The following RAD51B variants were observed in gnomAD, a reference collection of about 807,000 sequenced individuals.
The protein encoded by RAD51B is DNA repair protein RAD51 homolog 2.
RAD51B carries 38 observed loss-of-function variants against 42.2 expected under a neutral mutation model. The observed-to-expected ratio is 0.90, with a 90% CI of 0.70 to 1.18. RAD51B has a LOEUF of 1.18. Ranked by LOEUF, RAD51B falls within the 50% of genes most tolerant of loss-of-function variation. The pLI, the probability that RAD51B is intolerant of heterozygous loss-of-function variation, is 0.00. For missense variants in RAD51B, 373 were observed against 400.7 expected, an observed-to-expected ratio of 0.93 and a Z score of 0.59; for synonymous variants, 154 against 145.2, an observed-to-expected ratio of 1.06 and a Z score of -0.43.
intron 10 of RAD51B, among the ~76,000 whole-genome samples, chr14:68,472,776 T>C (rs1362480521): frequency 1.3e-5 from 2 of 152,152 alleles, no homozygotes; most frequent in African/African-American, 4.8e-5. Context: ...ATGAAATTAG[T>C]TTCCCATATC....
chr14:68,294,228 A>T (rs1339121301), intron 8 of RAD51B, among the ~76,000 whole-genome samples: 2 of 152,244 alleles, frequency 1.3e-5, no homozygotes, highest in Non-Finnish European at 2.9e-5. Context: ...TTGTGTTCAT[A>T]GCAAAGGAAG....
chr14:68,469,799 G>A (rs968000082), intron 10 of RAD51B, among the ~76,000 whole-genome samples: 2 of 152,144 alleles, frequency 1.3e-5, no homozygotes, highest in African/African-American at 2.4e-5. Context: ...ACAATTTCAG[G>A]AGGAAAAAAG....
At chr14:68,390,852 G>A (rs781346967) in intron 8 of RAD51B, among the ~76,000 whole-genome samples, 18 of 152,218 alleles carry the variant, frequency 1.2e-4, no homozygotes, top group Non-Finnish European at 2.2e-4. Flanking sequence ...GAGAAAGAGC[G>A]TCAGAGGAAG....
chr14:67,933,159 C>G lies in RAD51B; in HGVS notation c.756+45955C>G, dbSNP rs7152546. 6.3e-3 allele frequency among the ~76,000 whole-genome samples: 952 copies of G among 152,296 alleles called. 11 individuals are homozygous for G. Among genetic ancestry groups the G allele is most frequent in the African/African-American group, 0.022 (906 of 41,558 alleles). On this transcript the variant is annotated intron_variant, in intron 7 of 10. Coordinates refer to ENST00000471583, the MANE Select transcript of RAD51B (RefSeq NM_133510.4). ...TGAGCACAGAATTTGTGCTGCCTTTCCGGTAGAATGCACCTTTGGTACACT... is the reference window on the plus strand; with the variant it reads ...TGAGCACAGAATTTGTGCTGCCTTTGCGGTAGAATGCACCTTTGGTACACT...
At chr14:68,373,646 A>G (rs2083305355) in intron 8 of RAD51B, among the ~76,000 whole-genome samples, 1 of 152,174 alleles carries the variant, frequency 6.6e-6, no homozygotes, top group Non-Finnish European at 1.5e-5. Flanking sequence ...CAAGGGGAGC[A>G]TTAGGACAAA....
At chr14:68,469,147 A>G (rs904072400) in intron 10 of RAD51B, 1 of 507,968 alleles carries the variant, frequency 2.0e-6, no homozygotes, top group Non-Finnish European at 4.0e-6. Flanking sequence ...CTGACCCTAG[A>G]GGAGCATATT....
At chr14:68,447,698 T>C (rs985538399) in intron 9 of RAD51B, among the ~76,000 whole-genome samples, 1 of 152,184 alleles carries the variant, frequency 6.6e-6, no homozygotes, top group East Asian at 1.9e-4. Flanking sequence ...TACGAAATCA[T>C]TTTTGGGTTT....
chr14:68,046,455 C>T (rs903388080), intron 7 of RAD51B, among the ~76,000 whole-genome samples: 2 of 152,190 alleles, frequency 1.3e-5, no homozygotes, highest in Non-Finnish European at 2.9e-5. Flanking sequence ...TTGTGATTGT[C>T]TAGCTGGACA....
At chr14:67,976,006 G>T (rs1403513724) in intron 7 of RAD51B, among the ~76,000 whole-genome samples, 2 of 151,114 alleles carry the variant, frequency 1.3e-5, no homozygotes, top group Non-Finnish European at 2.9e-5. Context: ...GTTGATTCTT[G>T]TTCTCCACTC....
At chr14:67,969,549 T>G (rs896260152) in intron 7 of RAD51B, among the ~76,000 whole-genome samples, 118 of 152,272 alleles carry the variant, frequency 7.7e-4, no homozygotes, top group African/African-American at 2.7e-3. Flanking sequence ...AGAAGAAAAT[T>G]TGAAATATAT....
intron 10 of RAD51B, among the ~76,000 whole-genome samples, chr14:68,621,642 T>C (rs904766476): frequency 2.0e-5 from 3 of 152,354 alleles, no homozygotes; most frequent in East Asian, 1.9e-4. Flanking sequence ...TAAGGCCACA[T>C]TGGGGCCCCA....
chr14:68,516,407 G>C (rs182486534), intron 10 of RAD51B, among the ~76,000 whole-genome samples: 44 of 152,276 alleles, frequency 2.9e-4, no homozygotes, highest in African/African-American at 9.1e-4. Flanking sequence ...TCTCTTGACT[G>C]TCCGGCTTAA....
chr14:68,310,714 G>A (rs149959015), intron 8 of RAD51B, among the ~76,000 whole-genome samples: 7,735 of 152,144 alleles, frequency 0.051, 589 homozygotes, highest in African/African-American at 0.17. Context: ...GTGTGGTGGT[G>A]CACATCTGTA....
chr14:68,297,647 A>C (rs2081640567), intron 8 of RAD51B, among the ~76,000 whole-genome samples: 1 of 152,224 alleles, frequency 6.6e-6, no homozygotes. Context: ...GGCTGTAATT[A>C]GTACTTTGAA....
At chr14:68,003,700 C>A (rs921056562) in intron 7 of RAD51B, among the ~76,000 whole-genome samples, 43 of 152,082 alleles carry the variant, frequency 2.8e-4, no homozygotes, top group African/African-American at 8.2e-4. Flanking sequence ...TTCTTCAATA[C>A]CTAGTTTATT....
intron 7 of RAD51B, among the ~76,000 whole-genome samples, chr14:68,015,165 A>C (rs988886706): frequency 6.6e-6 from 1 of 152,230 alleles, no homozygotes; most frequent in Admixed American, 6.5e-5. Context: ...GTAAACATTA[A>C]ATGATTAAAT....
intron 7 of RAD51B, among the ~76,000 whole-genome samples, chr14:68,088,446 G>C (rs148585497): frequency 5.3e-5 from 8 of 151,430 alleles, no homozygotes; most frequent in Non-Finnish European, 8.8e-5. Flanking sequence ...TCTTTCTTTC[G>C]TCTAATAACT....
At chr14:68,445,858 G>T (rs1041411101) in intron 9 of RAD51B, among the ~76,000 whole-genome samples, 1 of 152,208 alleles carries the variant, frequency 6.6e-6, no homozygotes, top group African/African-American at 2.4e-5. Flanking sequence ...ATCCTCCAGA[G>T]CTTGTACAGT....
Position 67,933,478 on chromosome 14 carries a change from C to T in RAD51B, c.756+46274C>T, listed in dbSNP as rs562983393. ...ATGAGTTCCTTGTCTGGTGCAATGC[C>T]CTTGTGGGTCTCCAGATCACCACCC... On this transcript the variant is annotated intron_variant, in intron 7 of 10. Coordinates refer to ENST00000471583, the MANE Select transcript of RAD51B (RefSeq NM_133510.4). Among the ~76,000 whole-genome samples, 6 of 152,224 alleles carry T rather than the reference C, an allele frequency of 3.9e-5. No homozygotes were observed. In the East Asian group the frequency reaches 1.2e-3, roughly 29 times the overall value.
Sources: gnomAD v4.1 joint callset for allele counts (sites outside exome capture counted in the v4.1 genomes callset) on GRCh38, gnomAD v4.1.1 for gene constraint, MANE v1.5 for transcripts, NCBI Gene and HGNC (gene_info 2026-07-23, HGNC 2026-07-21) for gene names.